XRN2: variants seen among roughly 807,000 people sequenced by gnomAD.
XRN2 encodes 5'-3' exoribonuclease 2, also known as DHM1-like protein.
A neutral mutation model predicts 138.5 loss-of-function variants in XRN2; 44 were observed. The observed-to-expected ratio is 0.32, with a 90% CI of 0.25 to 0.41. The LOEUF (loss-of-function observed/expected upper bound fraction) is 0.41. Among genes scored for constraint, XRN2 ranks in the 10% least tolerant of loss-of-function variants. The pLI is 1.00. For synonymous variants in XRN2, 354 were observed against 369.4 expected, an observed-to-expected ratio of 0.96 and a Z score of 0.48; for missense variants, 937 against 1,169.3, an observed-to-expected ratio of 0.80 and a Z score of 2.90.
chr20:21,321,936 A>T (rs954871309), intron 1 of XRN2, among the ~76,000 whole-genome samples: 1 of 152,176 alleles, frequency 6.6e-6, no homozygotes, highest in Non-Finnish European at 1.5e-5. Context: ...CCTGATATAG[A>T]CCTTGGTACA....
intron 16 of XRN2, among the ~76,000 whole-genome samples, chr20:21,346,092 T>C (rs2038432184): frequency 6.6e-6 from 1 of 152,212 alleles, no homozygotes; most frequent in Non-Finnish European, 1.5e-5. Flanking sequence ...TTTAGAATTG[T>C]ACAAAGAAAC....
intron 24 of XRN2, among the ~76,000 whole-genome samples, chr20:21,361,081 A>G (rs1388451378): frequency 1.3e-5 from 2 of 152,212 alleles, no homozygotes; most frequent in Non-Finnish European, 2.9e-5. Flanking sequence ...GTAATACTTA[A>G]AATAGCATTT....
At chr20:21,343,287 T>C (rs377505744) in intron 15 of XRN2, among the ~76,000 whole-genome samples, 1 of 152,088 alleles carries the variant, frequency 6.6e-6, no homozygotes, top group Admixed American at 6.6e-5. Flanking sequence ...AATTTTTAAA[T>C]ATTAAAATAT....
intron 27 of XRN2, among the ~76,000 whole-genome samples, chr20:21,373,085 T>C (rs905981743): frequency 2.0e-5 from 3 of 152,254 alleles, no homozygotes; most frequent in Non-Finnish European, 4.4e-5. Flanking sequence ...CAATCTTGGC[T>C]CACCACAACC....
chr20:21,345,640 AT>A (rs2038426836), intron 16 of XRN2, among the ~76,000 whole-genome samples: 1 of 152,228 alleles, frequency 6.6e-6, no homozygotes, highest in South Asian at 2.1e-4. Flanking sequence ...CTTAAAAAAA[AT>A]AATACATTGG....
intron 27 of XRN2, among the ~76,000 whole-genome samples, chr20:21,381,607 TATTA>T (rs1168504670): frequency 3.9e-5 from 6 of 152,350 alleles, no homozygotes; most frequent in South Asian, 4.1e-4. Flanking sequence ...ATTCAGTTTG[TATTA>T]ATTCTATTTA....
intron 1 of XRN2, among the ~76,000 whole-genome samples, chr20:21,316,809 T>C (rs2037965339): frequency 6.6e-6 from 1 of 152,232 alleles, no homozygotes; most frequent in Non-Finnish European, 1.5e-5. Context: ...CTGTCAACAG[T>C]GTTTTGTAGT....
chr20:21,355,303 C>T (rs1356661747), intron 21 of XRN2, among the ~76,000 whole-genome samples: 2 of 152,072 alleles, frequency 1.3e-5, no homozygotes, highest in African/African-American at 4.8e-5. Context: ...AGAGTGCTAA[C>T]TTGAAATATG....
At chr20:21,333,673 C>T in intron 10 of XRN2, 31 bp from the exon 11 acceptor site, 1 of 1,614,008 alleles carries the variant, frequency 6.2e-7, no homozygotes, top group Non-Finnish European at 8.5e-7. Flanking sequence ...CCTTTGATAG[C>T]TGTAATGGCA....
chr20:21,308,924 GT>G (rs1464145384), intron 1 of XRN2, among the ~76,000 whole-genome samples: 3 of 152,094 alleles, frequency 2.0e-5, no homozygotes, highest in South Asian at 2.1e-4. Flanking sequence ...AAGTTTTATA[GT>G]TTTACTTCAT....
At chr20:21,340,944 G>A in intron 15 of XRN2, 92 bp downstream of exon 15, 1 of 1,462,038 alleles carries the variant, frequency 6.8e-7, no homozygotes, top group Non-Finnish European at 9.4e-7. Flanking sequence ...ATCACAGCCT[G>A]GAGTTTTGTT....
chr20:21,353,956 C>G (rs1222770649), intron 20 of XRN2, among the ~76,000 whole-genome samples: 1 of 152,096 alleles, frequency 6.6e-6, no homozygotes, highest in African/African-American at 2.4e-5. Flanking sequence ...GCAGTAGTTT[C>G]AGAATTATTT....
chr20:21,365,926 T>G (rs1386561094), intron 26 of XRN2, among the ~76,000 whole-genome samples: 1 of 121,864 alleles, frequency 8.2e-6, no homozygotes, highest in African/African-American at 3.1e-5. Context: ...ATATAATATA[T>G]ATATAAAATT....
intron 13 of XRN2, 115 bp downstream of exon 13, chr20:21,334,300 A>G: frequency 2.5e-6 from 2 of 813,706 alleles, no homozygotes; most frequent in South Asian, 1.7e-5. Context: ...TGGTGTGTCA[A>G]CACTAATGTA....
intron 1 of XRN2, 132 bp from the exon 2 acceptor site, chr20:21,326,147 A>G (rs773612171): frequency 6.5e-5 from 56 of 866,108 alleles, no homozygotes; most frequent in Non-Finnish European, 9.1e-5. Context: ...AAAATAACTT[A>G]TTATAATTTA....
intron 21 of XRN2, among the ~76,000 whole-genome samples, chr20:21,355,698 TA>T (rs898867881): frequency 2.1e-4 from 32 of 152,190 alleles, no homozygotes; most frequent in African/African-American, 7.2e-4. Flanking sequence ...TCACTATAAT[TA>T]AAAAATTTTT....
chr20:21,333,933 A>G lies in XRN2; in HGVS notation c.1068-4A>G. ...AATGCATAATGTTTGTCTCTTGCTG[A>G]CAGGGAAAATGCAATTGACCGTTTG... On this transcript the variant is annotated splice_polypyrimidine_tract_variant and splice_region_variant and intron_variant, in intron 11 of 29. Coordinates refer to ENST00000377191, the MANE Select transcript of XRN2 (RefSeq NM_012255.5). The G allele has an allele frequency of 6.2e-7, 1 of 1,614,134 alleles. No individual in the cohort carries two copies. Among genetic ancestry groups the G allele is most frequent in the Non-Finnish European group, 8.5e-7 (1 of 1,179,992 alleles).
chr20:21,366,507 A>T (rs2038705082), intron 26 of XRN2, among the ~76,000 whole-genome samples: 1 of 150,726 alleles, frequency 6.6e-6, no homozygotes, highest in African/African-American at 2.4e-5. Flanking sequence ...CAGTGAGCTG[A>T]GATTGCGTCA....
rs1356801652 is a variant in XRN2, at chr20:21,357,719, C to G, written c.2199-17C>G. 3 of 1,575,210 alleles carry G rather than the reference C, an allele frequency of 1.9e-6. No homozygotes were observed. Among genetic ancestry groups the G allele is most frequent in the East Asian group, 4.6e-5 (2 of 43,186 alleles). On this transcript the variant is annotated splice_polypyrimidine_tract_variant and intron_variant, in intron 23 of 29. Coordinates refer to ENST00000377191, the MANE Select transcript of XRN2 (RefSeq NM_012255.5). ...TACAGTTTACAGAGAGATGTTTCTT[C>G]TCTTGTTTCCTTCTAGAATAGTATG...
Sources: gnomAD v4.1 joint callset for allele counts (sites outside exome capture counted in the v4.1 genomes callset) on GRCh38, gnomAD v4.1.1 for gene constraint, MANE v1.5 for transcripts, NCBI Gene and HGNC (gene_info 2026-07-23, HGNC 2026-07-21) for gene names.